The following ASAH2 variants were observed in gnomAD, a reference collection of about 807,000 sequenced individuals.
The protein encoded by ASAH2 is neutral ceramidase.
A neutral mutation model predicts 82.9 loss-of-function variants in ASAH2; 58 were observed. That is an observed-to-expected ratio of 0.70 (90% CI 0.57 to 0.87). ASAH2 has a LOEUF of 0.87. Ranked by LOEUF, ASAH2 falls within the 40% of genes least tolerant of loss-of-function variation. The pLI is 0.00. For synonymous variants in ASAH2, 276 were observed against 289.7 expected, an observed-to-expected ratio of 0.95 and a Z score of 0.48; for missense variants, 779 against 834.0, an observed-to-expected ratio of 0.93 and a Z score of 0.81.
At chr10:50,202,413 T>C (rs1845174554) in intron 16 of ASAH2, among the ~76,000 whole-genome samples, 1 of 152,082 alleles carries the variant, frequency 6.6e-6, no homozygotes, top group East Asian at 1.9e-4. Flanking sequence ...CTTCTGGATA[T>C]ACTGTGAGGA....
At chr10:50,230,917 T>C (rs1396576877) in intron 7 of ASAH2, among the ~76,000 whole-genome samples, 1 of 151,764 alleles carries the variant, frequency 6.6e-6, no homozygotes, top group Non-Finnish European at 1.5e-5. Flanking sequence ...GGTGAGCACC[T>C]GTAGTCCCAG....
intron 3 of ASAH2, among the ~76,000 whole-genome samples, chr10:50,244,402 G>A (rs1257575488): frequency 6.6e-6 from 1 of 152,162 alleles, no homozygotes; most frequent in Non-Finnish European, 1.5e-5. Context: ...CCCCTCTACT[G>A]TTTGCATTAC....
intron 15 of ASAH2, 111 bp downstream of exon 15, chr10:50,203,529 C>A: frequency 2.1e-6 from 2 of 952,956 alleles, no homozygotes; most frequent in South Asian, 2.6e-5. Flanking sequence ...TTAACCTTAG[C>A]CATTAATTTC....
intron 7 of ASAH2, among the ~76,000 whole-genome samples, chr10:50,230,374 G>A (rs1440452320): frequency 2.0e-5 from 3 of 152,140 alleles, no homozygotes; most frequent in Non-Finnish European, 4.4e-5. Context: ...CTGTGATTCT[G>A]AGTTGCTGTG....
intron 7 of ASAH2, among the ~76,000 whole-genome samples, chr10:50,226,547 T>C (rs1463961431): frequency 6.6e-6 from 1 of 152,106 alleles, no homozygotes; most frequent in African/African-American, 2.4e-5. Flanking sequence ...CTATGGGTGA[T>C]GATGATGTGT....
At chr10:50,221,171 T>C (rs201671399) in intron 7 of ASAH2, among the ~76,000 whole-genome samples, 26,217 of 152,156 alleles carry the variant, frequency 0.17, 2,716 homozygotes, top group East Asian at 0.33. Flanking sequence ...CATTTAGGAA[T>C]ATTCTTCTAT....
At chr10:50,249,850 A>G (rs984880163) in intron 1 of ASAH2, among the ~76,000 whole-genome samples, 1 of 152,194 alleles carries the variant, frequency 6.6e-6, no homozygotes, top group Non-Finnish European at 1.5e-5. Context: ...CCTGTGCTTT[A>G]GGAAGCCTGA....
At chr10:50,248,049 C>T (rs961224402) in intron 2 of ASAH2, among the ~76,000 whole-genome samples, 2 of 152,172 alleles carry the variant, frequency 1.3e-5, no homozygotes, top group East Asian at 1.9e-4. Flanking sequence ...TAAGGATTTA[C>T]GTTTGAGACC....
chr10:50,223,270 G>A (rs1322468967), intron 7 of ASAH2, among the ~76,000 whole-genome samples: 1 of 152,088 alleles, frequency 6.6e-6, no homozygotes, highest in African/African-American at 2.4e-5. Flanking sequence ...TTCAGACATT[G>A]CATGTGCCCT....
At chr10:50,243,159 A>G (rs369386518) in intron 4 of ASAH2, 43 bp downstream of exon 4, 85 of 1,607,820 alleles carry the variant, frequency 5.3e-5, no homozygotes, top group Non-Finnish European at 7.1e-5. Context: ...TTTTCCTTAA[A>G]CCATATCATT....
At chr10:50,242,228 C>G (rs576320643) in intron 4 of ASAH2, among the ~76,000 whole-genome samples, 4 of 152,146 alleles carry the variant, frequency 2.6e-5, no homozygotes, top group Admixed American at 6.5e-5. Context: ...GGGGAAAACA[C>G]TTAATCCCTT....
At position 50,203,691 on chromosome 10, in the gene ASAH2, A is replaced by T; in HGVS notation, c.1626-12T>A. 6.2e-7 allele frequency: 1 copy of T among 1,612,212 alleles called. No individual in the cohort carries two copies. The highest frequency in any genetic ancestry group is 8.5e-7 in the Non-Finnish European group (1 of 1,178,514). Reference sequence around the variant, plus strand: ...GTCCAGACATGGTCCTGAGTCAAGAAAAAAATTATGTAAACGTTTTCCTAC... The same window carrying T: ...GTCCAGACATGGTCCTGAGTCAAGATAAAAATTATGTAAACGTTTTCCTAC... On this transcript the variant is annotated splice_polypyrimidine_tract_variant and intron_variant, in intron 14 of 20. Transcript: ENST00000682911.
Position 50,199,056 on chromosome 10 carries a change from C to A in ASAH2, c.1852G>T (p.Ala618Ser). The stretch of plus-strand genomic sequence containing the variant: ...CACAAACAATATTTGATTACCGTAG[C>A]AATAGCCTTAGCAAGGTTTCTGAAG... ...QLFRNLAKAIATDTVANLSRG... is the reference protein window; with the variant it reads ...QLFRNLAKAISTDTVANLSRG... Residue 618 changes from alanine to serine, a missense_variant, in exon 17 of 21, where the codon GCT becomes TCT. This residue lies in a region of ASAH2 where 6 missense variants were observed against 62.6 expected (regional missense o/e 0.10). Coordinates refer to ENST00000682911, the MANE Select transcript of ASAH2 (RefSeq NM_019893.4). The A allele has an allele frequency of 1.2e-6, 2 of 1,613,088 alleles. No individual in the cohort carries two copies. Among genetic ancestry groups the A allele is most frequent in the Non-Finnish European group, 1.7e-6 (2 of 1,179,424 alleles).
At chr10:50,219,025 G>A (rs1845679665) in intron 7 of ASAH2, among the ~76,000 whole-genome samples, 1 of 152,170 alleles carries the variant, frequency 6.6e-6, no homozygotes, top group Non-Finnish European at 1.5e-5. Context: ...GCTAAGCACT[G>A]AATAAACTGT....
At chr10:50,206,157 A>T in intron 12 of ASAH2, 60 bp from the exon 13 acceptor site, 1 of 1,134,444 alleles carries the variant, frequency 8.8e-7, no homozygotes. Flanking sequence ...AAAAGTCATT[A>T]TCTTGACAAA....
chr10:50,219,003 G>A (rs1845679069), intron 7 of ASAH2, among the ~76,000 whole-genome samples: 1 of 152,144 alleles, frequency 6.6e-6, no homozygotes, highest in Non-Finnish European at 1.5e-5. Context: ...ATTTACTAAG[G>A]GTTACCTGTA....
At chr10:50,239,637 G>A (rs898658051) in intron 4 of ASAH2, among the ~76,000 whole-genome samples, 3 of 152,086 alleles carry the variant, frequency 2.0e-5, no homozygotes, top group Non-Finnish European at 2.9e-5. Context: ...CCTTGGATAA[G>A]TTACTTGGCC....
At chr10:50,225,385 T>C (rs1466494916) in intron 7 of ASAH2, among the ~76,000 whole-genome samples, 1 of 152,136 alleles carries the variant, frequency 6.6e-6, no homozygotes, top group Admixed American at 6.5e-5. Flanking sequence ...GCCACTGTAC[T>C]CCAGGCTGGG....
At chr10:50,243,092 A>G (rs1436217) in intron 4 of ASAH2, 110 bp downstream of exon 4, 164,120 of 1,275,226 alleles carry the variant, frequency 0.13, 17,680 homozygotes, top group African/African-American at 0.45. Context: ...ATTGAAGGTA[A>G]TAGAATTTCA....
Sources: allele counts gnomAD v4.1 joint callset (sites outside exome capture counted in the v4.1 genomes callset), GRCh38; gene constraint gnomAD v4.1.1; regional missense constraint gnomAD v4.1.1; transcripts MANE v1.5; gene names NCBI Gene and HGNC (gene_info 2026-07-23, HGNC 2026-07-21).